SLCO2B1: variants seen among roughly 807,000 people sequenced by gnomAD.
SLCO2B1 encodes OATP-RP2.
SLCO2B1 carries 41 observed loss-of-function variants against 67.3 expected under a neutral mutation model. The observed-to-expected ratio is 0.61, with a 90% CI of 0.47 to 0.79. SLCO2B1 has a LOEUF of 0.79. Among genes scored for constraint, SLCO2B1 ranks in the 30% least tolerant of loss-of-function variants. The pLI is 0.00. For missense variants in SLCO2B1, 837 were observed against 920.1 expected, an observed-to-expected ratio of 0.91 and a Z score of 1.17; for synonymous variants, 379 against 381.4, an observed-to-expected ratio of 0.99 and a Z score of 0.07.
chr11:75,153,862 C>A lies in SLCO2B1; in HGVS notation c.16+2465C>A, dbSNP rs572113806. On this transcript the variant is annotated intron_variant, in intron 1 of 13. Coordinates refer to ENST00000289575, the MANE Select transcript of SLCO2B1 (RefSeq NM_007256.5). ...ATCTGAGGAGGAAGTGGCCCTGCTT[C>A]AGTGGCCCAGAGAATCTGTGTCCTG... is the stretch of plus-strand genomic sequence containing the variant. Among the ~76,000 whole-genome samples the A allele has an allele frequency of 2.6e-5, 4 of 151,484 alleles. No individual in the cohort carries two copies. The South Asian group carries it at 6.3e-4, about 24-fold the overall frequency.
intron 13 of SLCO2B1, chr11:75,203,665 C>A: frequency 2.0e-6 from 1 of 506,762 alleles, no homozygotes; most frequent in Non-Finnish European, 3.5e-6. Context: ...TAATAACTTG[C>A]AGAGCTGGGC....
At chr11:75,176,363 G>A (rs1950023396) in intron 7 of SLCO2B1, among the ~76,000 whole-genome samples, 1 of 152,208 alleles carries the variant, frequency 6.6e-6, no homozygotes, top group Non-Finnish European at 1.5e-5. Context: ...GAGGACCCCT[G>A]TCCCTCTCCA....
At chr11:75,199,680 G>T (rs577517067) in intron 10 of SLCO2B1, 1 of 152,656 alleles carries the variant, frequency 6.6e-6, no homozygotes, top group Non-Finnish European at 1.5e-5. Context: ...GCCCTGTGTG[G>T]CTGGGGCACA....
At chr11:75,203,473 C>T in intron 13 of SLCO2B1, 46 bp downstream of exon 13, 4 of 1,610,160 alleles carry the variant, frequency 2.5e-6, no homozygotes, top group East Asian at 2.2e-5. Context: ...TGGAAATACT[C>T]TCAGAGTCCC....
intron 2 of SLCO2B1, among the ~76,000 whole-genome samples, chr11:75,163,112 C>T (rs573800335): frequency 6.6e-6 from 1 of 152,088 alleles, no homozygotes; most frequent in Non-Finnish European, 1.5e-5. Flanking sequence ...ACTGGGAGTC[C>T]TAGCTCCACC....
In SLCO2B1 at chr11:75,178,723, A is replaced by G. The variant is rs181616537; in HGVS notation, c.972+6154A>G. Among the ~76,000 whole-genome samples the G allele has an allele frequency of 2.6e-5, 4 of 152,342 alleles. No homozygotes were observed. In the East Asian group the frequency reaches 7.7e-4, roughly 29 times the overall value. On this transcript the variant is annotated intron_variant, in intron 7 of 13. Coordinates refer to ENST00000289575, the MANE Select transcript of SLCO2B1 (RefSeq NM_007256.5). Reference sequence around the variant, plus strand: ...ATTAACTGGACTCATCATGATGTACAATAGATTGCCTGAACTTATTTCTCC... The same window carrying G: ...ATTAACTGGACTCATCATGATGTACGATAGATTGCCTGAACTTATTTCTCC...
At chr11:75,170,431 G>T (rs1007801162) in intron 6 of SLCO2B1, among the ~76,000 whole-genome samples, 5 of 152,140 alleles carry the variant, frequency 3.3e-5, no homozygotes, top group Non-Finnish European at 7.3e-5. Flanking sequence ...AGGGAGGGGT[G>T]TTGGGGGTTC....
intron 8 of SLCO2B1, among the ~76,000 whole-genome samples, chr11:75,189,754 C>A (rs933191277): frequency 1.1e-4 from 16 of 151,848 alleles, no homozygotes; most frequent in Admixed American, 9.2e-4. Flanking sequence ...TGAGACCAAC[C>A]AGGACAACAT....
chr11:75,158,516 G>A (rs936953694), intron 1 of SLCO2B1, among the ~76,000 whole-genome samples: 9 of 152,058 alleles, frequency 5.9e-5, no homozygotes, highest in African/African-American at 2.2e-4. Flanking sequence ...TACAAAGACA[G>A]CAACTCTCAA....
chr11:75,163,481 G>A (rs1400598384), intron 2 of SLCO2B1, among the ~76,000 whole-genome samples: 1 of 152,010 alleles, frequency 6.6e-6, no homozygotes, highest in Non-Finnish European at 1.5e-5. Context: ...GAAGGATCTG[G>A]GTGAATCTGA....
rs971072082 is a variant in SLCO2B1, at chr11:75,169,996, G to A, written c.781+232G>A. On this transcript the variant is annotated intron_variant, in intron 6 of 13. Transcript: ENST00000289575. ...AGATGGTGGAGATAAACTGTAAAGT[G>A]CCATCAAATTAGGAACCATGGTTGC... The A allele has an allele frequency of 2.5e-5, 13 of 520,360 alleles. No individual in the cohort carries two copies. The Admixed American group carries it at 4.2e-4, about 17-fold the overall frequency. The allele number at this position is 520,360 out of a possible 1,614,324, so 32.2% of individuals were successfully genotyped here. A position where few individuals can be genotyped will look rare whatever the true frequency, so the allele number is the denominator to read the frequency against.
intron 7 of SLCO2B1, 62 bp downstream of exon 7, chr11:75,172,631 T>C: frequency 6.9e-7 from 1 of 1,453,076 alleles, no homozygotes; most frequent in Non-Finnish European, 9.5e-7. Flanking sequence ...TTGTTCTCCT[T>C]TGTAACATTA....
rs574557106 is a variant in SLCO2B1, at chr11:75,165,731, A to G, written c.286-56A>G. The stretch of plus-strand genomic sequence containing the variant: ...TTAGACATAGAGACAAGGATAGTGC[A>G]GGCCCCCAGCCCTGGGAACTGTTCC... On this transcript the variant is annotated intron_variant, in intron 3 of 13. Coordinates refer to ENST00000289575, the MANE Select transcript of SLCO2B1 (RefSeq NM_007256.5). 15 of 1,568,560 alleles carry G rather than the reference A, an allele frequency of 9.6e-6. No homozygotes were observed. In the African/African-American group the frequency reaches 2.0e-4, roughly 21 times the overall value.
intron 1 of SLCO2B1, among the ~76,000 whole-genome samples, chr11:75,153,297 C>G (rs1224298866): frequency 6.6e-6 from 1 of 152,174 alleles, no homozygotes; most frequent in Non-Finnish European, 1.5e-5. Context: ...GTTGCTCTTC[C>G]TCTCTCCAGC....
At position 75,203,398 on chromosome 11, in the gene SLCO2B1, C is replaced by T. The variant is rs1321104562; in HGVS notation, c.1920C>T (p.Arg640=). ...GCTGTGGGCGTCGAGCTGTCTGTCG[C>T]TACTACAATAATGACCTGCTCCGAA... ...ALSCGRRAVC[R]YYNNDLLRNR... The change falls in exon 13 of 14, where the codon CGC becomes CGT. Residue 640 remains arginine (R), a synonymous_variant. Transcript: ENST00000289575. 1 of 1,614,076 alleles carries T rather than the reference C, an allele frequency of 6.2e-7. No homozygotes were observed. Among genetic ancestry groups the T allele is most frequent in the Non-Finnish European group, 8.5e-7 (1 of 1,180,040 alleles).
At chr11:75,173,989 A>G (rs1949995546) in intron 7 of SLCO2B1, among the ~76,000 whole-genome samples, 1 of 151,758 alleles carries the variant, frequency 6.6e-6, no homozygotes, top group Admixed American at 6.6e-5. Flanking sequence ...TTTAGTAGAG[A>G]TGGCGTTTCA....
At chr11:75,177,617 T>C (rs1203735722) in intron 7 of SLCO2B1, among the ~76,000 whole-genome samples, 2 of 152,180 alleles carry the variant, frequency 1.3e-5, no homozygotes, top group Non-Finnish European at 2.9e-5. Flanking sequence ...AGAGAATCAC[T>C]ACCATTTGTA....
At chr11:75,189,194 A>T (rs1944982323) in intron 8 of SLCO2B1, among the ~76,000 whole-genome samples, 1 of 151,872 alleles carries the variant, frequency 6.6e-6, no homozygotes, top group Non-Finnish European at 1.5e-5. Flanking sequence ...CTTTCTCAAG[A>T]TTATGACCCC....
At chr11:75,200,629 G>A (rs757192922) in intron 11 of SLCO2B1, 39 of 442,000 alleles carry the variant, frequency 8.8e-5, no homozygotes, top group Non-Finnish European at 1.4e-4. Context: ...CACATAGCAA[G>A]TGTTGGGTGG....
Sources: allele counts gnomAD v4.1 joint callset (sites outside exome capture counted in the v4.1 genomes callset), GRCh38; gene constraint gnomAD v4.1.1; transcripts MANE v1.5; gene names NCBI Gene and HGNC (gene_info 2026-07-23, HGNC 2026-07-21).